CADPS2: variants seen among roughly 807,000 people sequenced by gnomAD.
The protein encoded by CADPS2 is calcium-dependent secretion activator 2.
CADPS2 carries 93 observed loss-of-function variants against 172.5 expected under a neutral mutation model. The ratio of observed to expected loss-of-function variants is 0.54; its 90% CI spans 0.46 to 0.64. The LOEUF (loss-of-function observed/expected upper bound fraction) is 0.64, where lower values mean the gene tolerates loss of function less well. Among genes scored for constraint, CADPS2 ranks in the 30% least tolerant of loss-of-function variants. The pLI, the probability that CADPS2 is intolerant of heterozygous loss-of-function variation, is 0.00. For synonymous variants in CADPS2, 546 were observed against 555.2 expected (o/e 0.98, Z 0.23); for missense variants, 1,420 against 1,565.9 (o/e 0.91, Z 1.57).
intron 28 of CADPS2, among the ~76,000 whole-genome samples, chr7:122,331,670 A>G (rs1231209394): frequency 6.6e-6 from 1 of 152,180 alleles, no homozygotes; most frequent in Non-Finnish European, 1.5e-5. Flanking sequence ...AAACAAACAA[A>G]TAATTCATTT....
intron 3 of CADPS2, among the ~76,000 whole-genome samples, chr7:122,660,874 C>T (rs1395265890): frequency 6.6e-6 from 1 of 152,160 alleles, no homozygotes; most frequent in Non-Finnish European, 1.5e-5. Context: ...CACACCACTG[C>T]CCTCCAGCCT....
At chr7:122,865,013 G>A (rs764034357) in intron 1 of CADPS2, among the ~76,000 whole-genome samples, 10 of 152,082 alleles carry the variant, frequency 6.6e-5, no homozygotes, top group Non-Finnish European at 1.3e-4. Flanking sequence ...TGGAAGTAGG[G>A]GCCTAATGGG....
chr7:122,602,750 T>C (rs964515609), intron 6 of CADPS2, among the ~76,000 whole-genome samples: 12 of 152,108 alleles, frequency 7.9e-5, no homozygotes, highest in African/African-American at 2.7e-4. Context: ...ACTTACAAAG[T>C]GTTCCAAGAT....
intron 18 of CADPS2, among the ~76,000 whole-genome samples, chr7:122,414,356 ATGTT>A (rs976297831): frequency 2.0e-5 from 3 of 152,176 alleles, no homozygotes; most frequent in African/African-American, 7.2e-5. Context: ...TTTTTGTAAA[ATGTT>A]TGAGAATAAA....
rs551664577 is a variant in CADPS2 at position 122,386,834 on chromosome 7, T to C, written c.3312+192A>G. Among the ~76,000 whole-genome samples, 10 of 152,204 alleles carry C rather than the reference T, an allele frequency of 6.6e-5. No individual in the cohort carries two copies. The East Asian group carries it at 1.9e-3, about 30-fold the overall frequency. Reference sequence around the variant, plus strand: ...TGGCCACTAATGCAATTTTAGACCATATTTATATCAAAAAGGAGAAACTGA... The same window carrying C: ...TGGCCACTAATGCAATTTTAGACCACATTTATATCAAAAAGGAGAAACTGA... On this transcript the variant is annotated intron_variant, in intron 24 of 29. Coordinates refer to ENST00000449022, the MANE Select transcript of CADPS2 (RefSeq NM_017954.11).
At chr7:122,615,984 C>T (rs6466826) in intron 5 of CADPS2, among the ~76,000 whole-genome samples, 90,591 of 151,746 alleles carry the variant, frequency 0.6, 27,359 homozygotes, top group African/African-American at 0.7. Context: ...GCCTTATGTA[C>T]TTGTAACTCC....
chr7:122,718,192 G>A (rs1588700759), intron 2 of CADPS2, among the ~76,000 whole-genome samples: 1 of 151,756 alleles, frequency 6.6e-6, no homozygotes, highest in Non-Finnish European at 1.5e-5. Context: ...CTTTATATAT[G>A]TAGTTTATGT....
chr7:122,410,589 C>T lies in CADPS2; in HGVS notation c.2590-2893G>A, dbSNP rs2047186430. Among the ~76,000 whole-genome samples, 3 of 152,122 alleles carry T rather than the reference C, an allele frequency of 2.0e-5. No individual in the cohort carries two copies. The South Asian group carries it at 6.2e-4, about 32-fold the overall frequency. Reference sequence around the variant, plus strand: ...CAAATCAGTTCACTGGGTGGATTCTCATTTATTTATCTGCAAATAGGCAAT... The same window carrying T: ...CAAATCAGTTCACTGGGTGGATTCTTATTTATTTATCTGCAAATAGGCAAT... On this transcript the variant is annotated intron_variant, in intron 19 of 29. Coordinates refer to ENST00000449022, the MANE Select transcript of CADPS2 (RefSeq NM_017954.11).
chr7:122,874,326 G>T (rs944182472), intron 1 of CADPS2, among the ~76,000 whole-genome samples: 1 of 152,096 alleles, frequency 6.6e-6, no homozygotes, highest in East Asian at 1.9e-4. Context: ...CAACTTACAA[G>T]GGATGTGAAG....
At chr7:122,674,995 A>T (rs572088507) in intron 2 of CADPS2, among the ~76,000 whole-genome samples, 1 of 152,348 alleles carries the variant, frequency 6.6e-6, no homozygotes, top group Non-Finnish European at 1.5e-5. Flanking sequence ...CTAGAAATCA[A>T]ATAATTTTGG....
At chr7:122,702,019 G>A (rs775751398) in intron 2 of CADPS2, 54 of 1,613,618 alleles carry the variant, frequency 3.3e-5, no homozygotes, top group Non-Finnish European at 4.2e-5. Flanking sequence ...CCCCTTCTTT[G>A]AGAACTCGCA....
intron 8 of CADPS2, among the ~76,000 whole-genome samples, chr7:122,523,499 G>A (rs535800508): frequency 5.3e-4 from 81 of 151,978 alleles, no homozygotes; most frequent in African/African-American, 1.8e-3. Context: ...ATTTTTAAGT[G>A]GTTCATGATC....
At chr7:122,347,906 A>T (rs1475419021) in intron 27 of CADPS2, among the ~76,000 whole-genome samples, 1 of 152,230 alleles carries the variant, frequency 6.6e-6, no homozygotes, top group African/African-American at 2.4e-5. Context: ...AACATTCAAA[A>T]AACCTGCTGC....
chr7:122,522,785 G>T (rs1318000897), intron 8 of CADPS2, among the ~76,000 whole-genome samples: 1 of 131,826 alleles, frequency 7.6e-6, no homozygotes, highest in Non-Finnish European at 1.5e-5. Context: ...TATCTCCACA[G>T]ATCAACTTTT....
At chr7:122,716,046 A>G (rs1191931025) in intron 2 of CADPS2, among the ~76,000 whole-genome samples, 1 of 152,164 alleles carries the variant, frequency 6.6e-6, no homozygotes. Flanking sequence ...ATGTGAGGTG[A>G]TAAATATGTT....
intron 9 of CADPS2, among the ~76,000 whole-genome samples, chr7:122,500,036 G>A (rs750466165): frequency 5.5e-4 from 83 of 152,196 alleles, no homozygotes; most frequent in African/African-American, 1.7e-3. Flanking sequence ...TATAGCTACC[G>A]CTGTGTAAAG....
intron 7 of CADPS2, among the ~76,000 whole-genome samples, chr7:122,563,102 T>C (rs2065961352): frequency 6.6e-6 from 1 of 152,150 alleles, no homozygotes; most frequent in African/African-American, 2.4e-5. Flanking sequence ...CTTTTATTAA[T>C]ATACATAGAT....
chr7:122,819,636 T>C (rs540034581), intron 1 of CADPS2, among the ~76,000 whole-genome samples: 2 of 152,218 alleles, frequency 1.3e-5, no homozygotes, highest in Admixed American at 1.3e-4. Flanking sequence ...CAGTACTCTT[T>C]TAAGCACTCC....
At chr7:122,428,063 A>G (rs2049389947) in intron 17 of CADPS2, among the ~76,000 whole-genome samples, 2 of 151,934 alleles carry the variant, frequency 1.3e-5, no homozygotes, top group Admixed American at 6.6e-5. Flanking sequence ...TTTTGTTAAT[A>G]TTTTTTAGCT....
Sources: allele counts gnomAD v4.1 joint callset (sites outside exome capture counted in the v4.1 genomes callset), GRCh38; gene constraint gnomAD v4.1.1; transcripts MANE v1.5; gene names NCBI Gene and HGNC (gene_info 2026-07-23, HGNC 2026-07-21).